BMERB1: variants seen among roughly 807,000 people sequenced by gnomAD.
The protein encoded by BMERB1 is bMERB domain-containing protein 1.
A neutral mutation model predicts 23.6 loss-of-function variants in BMERB1; 12 were observed. The ratio of observed to expected loss-of-function variants is 0.51; its 90% CI spans 0.33 to 0.82. The LOEUF (loss-of-function observed/expected upper bound fraction) is 0.82, where lower values mean the gene tolerates loss of function less well. Among genes scored for constraint, BMERB1 ranks in the 40% least tolerant of loss-of-function variants. The probability of loss-of-function intolerance (pLI) is 0.03; values close to 1 mark genes in which losing one functional copy is unlikely to be tolerated. For synonymous variants in BMERB1, 122 were observed against 96.6 expected, an observed-to-expected ratio of 1.26 and a Z score of -1.54; for missense variants, 247 against 255.4, an observed-to-expected ratio of 0.97 and a Z score of 0.22.
rs144615928 is a variant in BMERB1, at chr16:15,534,373, C to T, written c.230+18945C>T. The stretch of plus-strand genomic sequence containing the variant: ...ATCCTAGCACTTTGGGAGGCCAAGG[C>T]GAAACCCTGTCTCTACTAAGAAATA... On this transcript the variant is annotated intron_variant, in intron 2 of 5. Coordinates refer to ENST00000300006, the MANE Select transcript of BMERB1 (RefSeq NM_033201.3). Among the ~76,000 whole-genome samples, 552 of 149,012 alleles carry T rather than the reference C, an allele frequency of 3.7e-3. 4 individuals are homozygous for T. The highest frequency in any genetic ancestry group is 0.013 in the African/African-American group (534 of 40,438).
At chr16:15,507,068 TA>T (rs1315466603) in intron 1 of BMERB1, among the ~76,000 whole-genome samples, 1 of 152,098 alleles carries the variant, frequency 6.6e-6, no homozygotes, top group Non-Finnish European at 1.5e-5. Flanking sequence ...ACTAGGCACG[TA>T]AAGTTATAAA....
intron 1 of BMERB1, among the ~76,000 whole-genome samples, chr16:15,443,639 C>A (rs534881142): frequency 6.6e-6 from 1 of 151,886 alleles, no homozygotes; most frequent in South Asian, 2.1e-4. Flanking sequence ...AAGTGTGGGC[C>A]AGGCATGGTG....
At chr16:15,560,688 G>A (rs2030391532) in intron 2 of BMERB1, among the ~76,000 whole-genome samples, 1 of 152,010 alleles carries the variant, frequency 6.6e-6, no homozygotes, top group African/African-American at 2.4e-5. Context: ...AGCTACTCTG[G>A]AGGCTGAGGA....
intron 4 of BMERB1, among the ~76,000 whole-genome samples, chr16:15,581,666 C>T (rs932101392): frequency 2.0e-5 from 3 of 152,132 alleles, no homozygotes; most frequent in Admixed American, 1.3e-4. Flanking sequence ...CAGTTTCTAC[C>T]GAAACTCTGC....
chr16:15,565,009 A>G (rs557128136), intron 2 of BMERB1, among the ~76,000 whole-genome samples: 8 of 152,170 alleles, frequency 5.3e-5, no homozygotes, highest in South Asian at 4.2e-4. Context: ...TATCGTAAAT[A>G]CTGGTGAACA....
At position 15,571,522 on chromosome 16, in the gene BMERB1, T is replaced by A. The variant is rs570862475; in HGVS notation, c.304+3466T>A. Among the ~76,000 whole-genome samples, 11 of 152,086 alleles carry A rather than the reference T, an allele frequency of 7.2e-5. No individual in the cohort carries two copies. The South Asian group carries it at 1.7e-3, about 23-fold the overall frequency. On this transcript the variant is annotated intron_variant, in intron 3 of 5. Transcript: ENST00000300006. ...GGCACCTGCCACCACGCCCGGCTAA[T>A]TTTTTGTATTTTTAGTAGAGGTGGG...
intron 3 of BMERB1, among the ~76,000 whole-genome samples, chr16:15,573,324 G>C (rs2030778736): frequency 6.6e-6 from 1 of 152,196 alleles, no homozygotes; most frequent in Non-Finnish European, 1.5e-5. Context: ...AATAGAGAAA[G>C]AGTAATTCAT....
At chr16:15,552,169 G>A (rs568588126) in intron 2 of BMERB1, among the ~76,000 whole-genome samples, 25 of 152,254 alleles carry the variant, frequency 1.6e-4, no homozygotes, top group African/African-American at 6.0e-4. Context: ...AGTGGACGCG[G>A]TGGCTCACAC....
At position 15,488,086 on chromosome 16, in the gene BMERB1, C is replaced by G. The variant is rs538238288; in HGVS notation, c.107-27219C>G. On this transcript the variant is annotated intron_variant, in intron 1 of 5. Transcript: ENST00000300006. ...TAGGTCTCCGCCTCATTTTACCCAG[C>G]CCCTATTCAAGATGGTGTTGTTCTG... 3.3e-5 allele frequency among the ~76,000 whole-genome samples: 5 copies of G among 152,242 alleles called. No individual in the cohort carries two copies. In the South Asian group the frequency reaches 1.0e-3, roughly 32 times the overall value.
At chr16:15,501,671 G>C (rs932078688) in intron 1 of BMERB1, among the ~76,000 whole-genome samples, 1 of 152,038 alleles carries the variant, frequency 6.6e-6, no homozygotes. Context: ...ACGGGCTTTC[G>C]CCATGTTGGC....
At chr16:15,527,625 A>C (rs1183778240) in intron 2 of BMERB1, among the ~76,000 whole-genome samples, 2 of 152,184 alleles carry the variant, frequency 1.3e-5, no homozygotes, top group African/African-American at 4.8e-5. Context: ...ATAAAAAAAA[A>C]AGAAGTGGAA....
At chr16:15,504,365 C>T (rs2051561603) in intron 1 of BMERB1, among the ~76,000 whole-genome samples, 1 of 152,046 alleles carries the variant, frequency 6.6e-6, no homozygotes, top group African/African-American at 2.4e-5. Flanking sequence ...CCAATGTCAA[C>T]TTCTTGGTAA....
intron 3 of BMERB1, among the ~76,000 whole-genome samples, chr16:15,577,784 A>C (rs2030907675): frequency 6.6e-6 from 1 of 152,226 alleles, no homozygotes; most frequent in Non-Finnish European, 1.5e-5. Context: ...TACAGAAGTC[A>C]TGGGCCTGAT....
intron 2 of BMERB1, among the ~76,000 whole-genome samples, chr16:15,542,407 C>T (rs548809303): frequency 1.1e-4 from 17 of 152,082 alleles, no homozygotes; most frequent in African/African-American, 3.9e-4. Flanking sequence ...CTTCTGGTGA[C>T]GAGGCCCCAA....
At chr16:15,506,074 C>T (rs529779252) in intron 1 of BMERB1, among the ~76,000 whole-genome samples, 2 of 152,154 alleles carry the variant, frequency 1.3e-5, no homozygotes, top group South Asian at 4.2e-4. Context: ...ATTTCTACCA[C>T]TCATTATAGC....
intron 1 of BMERB1, among the ~76,000 whole-genome samples, chr16:15,461,989 C>T (rs750918933): frequency 1.3e-5 from 2 of 151,976 alleles, no homozygotes; most frequent in Non-Finnish European, 2.9e-5. Flanking sequence ...AAAACTCCCC[C>T]AAACAGGTGC....
chr16:15,535,648 C>CAAA (rs34379447), intron 2 of BMERB1, among the ~76,000 whole-genome samples: 2 of 100,682 alleles, frequency 2.0e-5, no homozygotes, highest in Admixed American at 1.1e-4. Flanking sequence ...GACTCCATCT[C>CAAA]AAAAAAAAAA....
chr16:15,554,073 C>A (rs921322887), intron 2 of BMERB1, among the ~76,000 whole-genome samples: 1 of 152,178 alleles, frequency 6.6e-6, no homozygotes, highest in Admixed American at 6.5e-5. Context: ...CTCAGCTCCC[C>A]CTTCTCTCTG....
At chr16:15,493,699 T>TC (rs1240819193) in intron 1 of BMERB1, among the ~76,000 whole-genome samples, 1 of 151,728 alleles carries the variant, frequency 6.6e-6, no homozygotes, top group African/African-American at 2.4e-5. Context: ...GCGTCCCCCC[T>TC]CCGCAGACCA....
Sources: gnomAD v4.1 joint callset for allele counts (sites outside exome capture counted in the v4.1 genomes callset) on GRCh38, gnomAD v4.1.1 for gene constraint, MANE v1.5 for transcripts, NCBI Gene and HGNC (gene_info 2026-07-23, HGNC 2026-07-21) for gene names.